Variants in DOCK9 observed in about 807,000 individuals in gnomAD.
DOCK9 encodes dedicator of cytokinesis 9, also known as dedicator of cytokinesis protein 9.
DOCK9 carries 89 observed loss-of-function variants against 263.3 expected under a neutral mutation model. The observed-to-expected ratio is 0.34, with a 90% CI of 0.28 to 0.40. The LOEUF (loss-of-function observed/expected upper bound fraction) is 0.40. Ranked by LOEUF, DOCK9 falls within the 10% of genes least tolerant of loss-of-function variation. The pLI is 1.00. For missense variants in DOCK9, 2,140 were observed against 2,603.4 expected, an observed-to-expected ratio of 0.82 and a Z score of 3.87; for synonymous variants, 976 against 973.1, an observed-to-expected ratio of 1.00 and a Z score of -0.06.
At chr13:99,066,981 G>A (rs1181581640) in intron 1 of DOCK9, among the ~76,000 whole-genome samples, 3 of 152,194 alleles carry the variant, frequency 2.0e-5, no homozygotes, top group Non-Finnish European at 4.4e-5. Context: ...GAGTGTAATA[G>A]ATAAGTAGGT....
At chr13:98,913,414 G>A (rs1394810134) in intron 9 of DOCK9, among the ~76,000 whole-genome samples, 1 of 151,972 alleles carries the variant, frequency 6.6e-6, no homozygotes, top group East Asian at 1.9e-4. Context: ...TTGTAGCTTT[G>A]TTTATAATAG....
chr13:98,806,329 T>C (rs1321453454), intron 48 of DOCK9, among the ~76,000 whole-genome samples: 5 of 152,236 alleles, frequency 3.3e-5, no homozygotes, highest in Non-Finnish European at 7.3e-5. Context: ...TTCTGTGACA[T>C]GATAGAGAAT....
chr13:98,811,099 A>C (rs1239540540), intron 45 of DOCK9, among the ~76,000 whole-genome samples: 1 of 152,208 alleles, frequency 6.6e-6, no homozygotes, highest in Admixed American at 6.5e-5. Flanking sequence ...CTGCCCAGCA[A>C]AGTGATGGTG....
chr13:98,860,303 T>A, intron 33 of DOCK9, 102 bp downstream of exon 33: 1 of 1,516,784 alleles, frequency 6.6e-7, no homozygotes, highest in Non-Finnish European at 8.9e-7. Context: ...AACTTAGACT[T>A]CAAGGTCCTA....
Position 98,825,901 on chromosome 13 carries a change from T to C in DOCK9, c.5023+929A>G. ...CCGGCTCCTCCTCAGGCAGGCGCTATGGCTGTGGGGGAGAAGGGGCGGCTC... is the reference window on the plus strand; with the variant it reads ...CCGGCTCCTCCTCAGGCAGGCGCTACGGCTGTGGGGGAGAAGGGGCGGCTC... On this transcript the variant is annotated intron_variant, in intron 44 of 52. Coordinates refer to ENST00000682017, the MANE Select transcript of DOCK9 (RefSeq NM_001366683.2). The surrounding 1 kb of genome is among the most constrained non-coding windows in gnomAD (Gnocchi z 4.1). 1 of 1,554,660 alleles carries C rather than the reference T, an allele frequency of 6.4e-7. No individual in the cohort carries two copies. The highest frequency in any genetic ancestry group is 8.7e-7 in the Non-Finnish European group (1 of 1,149,134).
At chr13:98,946,283 C>T (rs2056694290) in intron 2 of DOCK9, among the ~76,000 whole-genome samples, 1 of 152,148 alleles carries the variant, frequency 6.6e-6, no homozygotes, top group Non-Finnish European at 1.5e-5. Flanking sequence ...ACCCAGAAGA[C>T]TTGAGAGGAG....
chr13:98,878,812 C>A (rs929035842), intron 27 of DOCK9, among the ~76,000 whole-genome samples: 1 of 152,224 alleles, frequency 6.6e-6, no homozygotes. Flanking sequence ...AGGCCTGAAC[C>A]ATCAACCTTC....
intron 1 of DOCK9, among the ~76,000 whole-genome samples, chr13:98,996,631 C>T (rs1881104031): frequency 1.3e-5 from 2 of 152,202 alleles, no homozygotes; most frequent in African/African-American, 2.4e-5. Context: ...TTGAATGCAG[C>T]CCAACACAAA....
upstream of DOCK9, among the ~76,000 whole-genome samples, chr13:98,981,054 G>GTTTTTTTTTTTTTT (rs1291190944): frequency 7.0e-6 from 1 of 143,878 alleles, no homozygotes; most frequent in Non-Finnish European, 1.6e-5. Context: ...CAAGTAATTT[G>GTTTTTTTTTTTTTT]TTTTTTGTTT....
intron 1 of DOCK9, among the ~76,000 whole-genome samples, chr13:99,079,964 C>T (rs1010934496): frequency 3.3e-5 from 5 of 152,092 alleles, no homozygotes; most frequent in African/African-American, 7.2e-5. Context: ...CACTTGAGCC[C>T]GGAAGGCAGA....
intron 45 of DOCK9, chr13:98,820,721 C>G (rs775981102): frequency 2.5e-5 from 10 of 407,002 alleles, no homozygotes; most frequent in Non-Finnish European, 4.8e-5. Context: ...AAATCAGGAA[C>G]GCCTTTCTTC....
chr13:98,840,119 G>A (rs955673191), intron 38 of DOCK9, among the ~76,000 whole-genome samples: 2 of 152,230 alleles, frequency 1.3e-5, no homozygotes, highest in African/African-American at 4.8e-5. Context: ...AGCTGTGCAG[G>A]AGGAGGACTT....
chr13:98,982,096 G>A (rs1185963957), upstream of DOCK9, among the ~76,000 whole-genome samples: 1 of 152,186 alleles, frequency 6.6e-6, no homozygotes, highest in Non-Finnish European at 1.5e-5. Flanking sequence ...ACCCTGTGGG[G>A]AAGAGGAAGG....
At chr13:99,073,792 G>A (rs553721103) in intron 1 of DOCK9, among the ~76,000 whole-genome samples, 5 of 152,256 alleles carry the variant, frequency 3.3e-5, no homozygotes, top group African/African-American at 4.8e-5. Flanking sequence ...ACCCTGTTCG[G>A]GCAGATATCC....
intron 10 of DOCK9, among the ~76,000 whole-genome samples, chr13:98,903,894 T>G (rs1228505453): frequency 6.6e-6 from 1 of 152,184 alleles, no homozygotes. Context: ...GGACAAATAC[T>G]GTATGATTCC....
intron 1 of DOCK9, among the ~76,000 whole-genome samples, chr13:99,053,850 C>T (rs1417561743): frequency 6.6e-6 from 1 of 152,100 alleles, no homozygotes; most frequent in Admixed American, 6.5e-5. Flanking sequence ...CACCTCCCCT[C>T]ACTCACCCTC....
intron 1 of DOCK9, among the ~76,000 whole-genome samples, chr13:98,968,545 T>C (rs9517517): frequency 6.6e-6 from 1 of 151,956 alleles, no homozygotes; most frequent in Non-Finnish European, 1.5e-5. Flanking sequence ...GCTTGCACCC[T>C]GGAGGCGGGG....
At chr13:98,873,993 T>C (rs1276184175) in intron 27 of DOCK9, among the ~76,000 whole-genome samples, 1 of 152,194 alleles carries the variant, frequency 6.6e-6, no homozygotes, top group African/African-American at 2.4e-5. Flanking sequence ...GACCTTACTG[T>C]GCTCTGTTTT....
chr13:98,797,036 G>A, intron 52 of DOCK9, 79 bp downstream of exon 52: 5 of 1,466,236 alleles, frequency 3.4e-6, no homozygotes, highest in Non-Finnish European at 4.8e-6. Context: ...AAGGATATCA[G>A]GCGGCCTAAG....
Sources: gnomAD v4.1 joint callset for allele counts (sites outside exome capture counted in the v4.1 genomes callset) on GRCh38, gnomAD v4.1.1 for gene constraint, Gnocchi (gnomAD v3.1) non-coding constraint, MANE v1.5 for transcripts, NCBI Gene and HGNC (gene_info 2026-07-23, HGNC 2026-07-21) for gene names.